Variants in GAB1 observed in about 807,000 individuals in gnomAD.
GAB1 encodes the protein GRB2 associated binding protein 1.
Under a neutral mutation model 66.5 loss-of-function variants are expected in GAB1, and 19 were observed. The observed-to-expected ratio is 0.29, with a 90% CI of 0.20 to 0.42. The LOEUF is 0.42. Among genes scored for constraint, GAB1 ranks in the 10% least tolerant of loss-of-function variants. The pLI is 1.00. For synonymous variants in GAB1, 294 were observed against 301.4 expected, an observed-to-expected ratio of 0.98 and a Z score of 0.25; for missense variants, 732 against 858.5, an observed-to-expected ratio of 0.85 and a Z score of 1.84.
chr4:143,365,435 C>G (rs1292431746), intron 1 of GAB1, among the ~76,000 whole-genome samples: 1 of 152,162 alleles, frequency 6.6e-6, no homozygotes, highest in Non-Finnish European at 1.5e-5. Flanking sequence ...CCATCAATGT[C>G]TAGTACAAGA....
chr4:143,432,902 G>A (rs1322517210), intron 2 of GAB1, among the ~76,000 whole-genome samples: 1 of 152,188 alleles, frequency 6.6e-6, no homozygotes, highest in Admixed American at 6.5e-5. Flanking sequence ...GGCAAATAAA[G>A]TTATGAGCTG....
At chr4:143,429,069 C>T (rs1278517815) in intron 2 of GAB1, among the ~76,000 whole-genome samples, 2 of 152,000 alleles carry the variant, frequency 1.3e-5, no homozygotes, top group Non-Finnish European at 1.5e-5. Flanking sequence ...TTATACTTGG[C>T]CCATTATTTG....
chr4:143,452,300 CA>C (rs983153860), intron 6 of GAB1, among the ~76,000 whole-genome samples: 4 of 152,056 alleles, frequency 2.6e-5, no homozygotes, highest in African/African-American at 9.7e-5. Context: ...AAAATTGTCT[CA>C]TTTTTTTTGA....
intron 1 of GAB1, among the ~76,000 whole-genome samples, chr4:143,393,256 A>G (rs1731274489): frequency 6.6e-6 from 1 of 151,822 alleles, no homozygotes; most frequent in African/African-American, 2.4e-5. Flanking sequence ...AAAAAAAAGA[A>G]TATGAGACAG....
rs1310699631 is a variant in GAB1 at position 143,473,983 on chromosome 4, T to C, written c.*4794T>C. The C allele has an allele frequency of 1.3e-5, 2 of 152,182 alleles. No homozygotes were observed. The highest frequency in any genetic ancestry group is 2.4e-5 in the African/African-American group (1 of 41,442). 9.4% of individuals were successfully genotyped at this position (152,182 alleles called of 1,614,324 possible). On this transcript the variant is annotated 3_prime_UTR_variant, in exon 10 of 10. Coordinates refer to ENST00000262994, the MANE Select transcript of GAB1 (RefSeq NM_002039.4). ...CTTCTTTGAGGAAGTTACCACCATC[T>C]CTGATATAGACACACTTTTTGAGTT... is the stretch of plus-strand genomic sequence containing the variant.
At chr4:143,407,143 T>C (rs1433439908) in intron 1 of GAB1, among the ~76,000 whole-genome samples, 3 of 152,180 alleles carry the variant, frequency 2.0e-5, no homozygotes, top group African/African-American at 7.2e-5. Context: ...ATATTACCTA[T>C]ATACCTTTTT....
chr4:143,427,882 C>G (rs1733448904), intron 2 of GAB1, among the ~76,000 whole-genome samples: 1 of 152,114 alleles, frequency 6.6e-6, no homozygotes, highest in Non-Finnish European at 1.5e-5. Flanking sequence ...TAGTGAATAC[C>G]CAGAGTATGT....
intron 2 of GAB1, chr4:143,424,990 A>T: frequency 2.9e-6 from 2 of 682,954 alleles, no homozygotes; most frequent in South Asian, 3.1e-5. Flanking sequence ...TGTGCTACCC[A>T]CAGAGGGGTC....
intron 6 of GAB1, chr4:143,457,588 T>C: frequency 1.7e-6 from 1 of 594,536 alleles, no homozygotes; most frequent in Non-Finnish European, 2.8e-6. Flanking sequence ...TGCACAGGGC[T>C]CTGTTGCTTT....
chr4:143,411,619 A>T (rs1256153080), intron 1 of GAB1, among the ~76,000 whole-genome samples: 1 of 152,166 alleles, frequency 6.6e-6, no homozygotes, highest in Non-Finnish European at 1.5e-5. Context: ...TAAAAATAGG[A>T]CAAACTTTAA....
Position 143,438,126 on chromosome 4 carries a change from A to G in GAB1, c.721A>G (p.Ile241Val). Residue 241 changes from isoleucine (I) to valine (V), a missense_variant, in exon 4 of 10, where the codon ATA becomes GTA. Ile to Val is a conservative substitution (Grantham distance 29). Transcript: ENST00000262994. ...GAATGGCTTTTTTCAGCAGCAAATG[A>G]TATACGACTCTCCACCTTCACGTGC... ...GMNGFFQQQM[I>V]YDSPPSRAPS... is the part of the protein sequence containing the mutation. The G allele has an allele frequency of 6.2e-7, 1 of 1,614,058 alleles. No individual in the cohort carries two copies. The highest frequency in any genetic ancestry group is 8.5e-7 in the Non-Finnish European group (1 of 1,180,008).
intron 1 of GAB1, chr4:143,349,383 C>T (rs918873177): frequency 3.3e-5 from 34 of 1,037,772 alleles, no homozygotes; most frequent in Non-Finnish European, 4.8e-5. Context: ...TAAATACAGT[C>T]TCTTTCCAGA....
intron 6 of GAB1, among the ~76,000 whole-genome samples, chr4:143,440,648 C>G (rs1381754263): frequency 6.6e-6 from 1 of 152,150 alleles, no homozygotes; most frequent in Non-Finnish European, 1.5e-5. Context: ...GAGCGGACAA[C>G]TGGGGAGAAT....
At chr4:143,354,277 A>G (rs1729353545) in intron 1 of GAB1, among the ~76,000 whole-genome samples, 1 of 151,920 alleles carries the variant, frequency 6.6e-6, no homozygotes, top group Non-Finnish European at 1.5e-5. Flanking sequence ...GCCTCTGAGT[A>G]TTCCTAACTT....
rs1733797274 is a variant in GAB1, at chr4:143,433,725, T to G, written c.593+9T>G. ...AAGCCCGAACCCACCAGGTAAATTA[T>G]ATATGCCCATGTGAGAGAGAGACAG... On this transcript the variant is annotated intron_variant, in intron 3 of 9. Coordinates refer to ENST00000262994, the MANE Select transcript of GAB1 (RefSeq NM_002039.4). 6.3e-7 allele frequency: 1 copy of G among 1,593,990 alleles called. No homozygotes were observed. Among genetic ancestry groups the G allele is most frequent in the Non-Finnish European group, 8.6e-7 (1 of 1,161,796 alleles).
intron 1 of GAB1, among the ~76,000 whole-genome samples, chr4:143,408,969 C>T (rs1732214853): frequency 1.3e-5 from 2 of 152,212 alleles, no homozygotes; most frequent in African/African-American, 4.8e-5. Flanking sequence ...GAAAGTATTG[C>T]TCTTCAGCTA....
intron 1 of GAB1, chr4:143,350,224 A>T: frequency 1.7e-6 from 1 of 603,126 alleles, no homozygotes; most frequent in East Asian, 2.8e-5. Context: ...CTTCTGTCTG[A>T]TGGATACGTT....
intron 8 of GAB1, among the ~76,000 whole-genome samples, chr4:143,464,657 C>A (rs772303782): frequency 2.0e-5 from 3 of 151,952 alleles, no homozygotes; most frequent in Non-Finnish European, 4.4e-5. Context: ...TACTGCATAC[C>A]TGATTATATG....
chr4:143,468,269 C>A, intron 9 of GAB1, among the ~76,000 whole-genome samples: 1 of 130,474 alleles, frequency 7.7e-6, no homozygotes, highest in African/African-American at 3.0e-5. Flanking sequence ...GGCTGCAGTG[C>A]AGTGGCACGA....
Sources: gnomAD v4.1 joint callset for allele counts (sites outside exome capture counted in the v4.1 genomes callset) on GRCh38, gnomAD v4.1.1 for gene constraint, MANE v1.5 for transcripts, NCBI Gene and HGNC (gene_info 2026-07-23, HGNC 2026-07-21) for gene names.